The following PTPRD variants were observed in gnomAD, a reference collection of about 807,000 sequenced individuals.
PTPRD encodes the protein receptor-type tyrosine-protein phosphatase delta.
PTPRD carries 34 observed loss-of-function variants against 214.5 expected under a neutral mutation model. That is an observed-to-expected ratio of 0.16 (90% CI 0.12 to 0.21). PTPRD has a LOEUF of 0.21. Among genes scored for constraint, PTPRD ranks in the 10% least tolerant of loss-of-function variants. The pLI is 1.00. For missense variants in PTPRD, 2,545 were observed against 2,398.7 expected, an observed-to-expected ratio of 1.06 and a Z score of -1.27; for synonymous variants, 1,128 against 845.7, an observed-to-expected ratio of 1.33 and a Z score of -5.79.
At chr9:9,448,901 A>C (rs1385229777) in intron 8 of PTPRD, among the ~76,000 whole-genome samples, 2 of 152,064 alleles carry the variant, frequency 1.3e-5, no homozygotes, top group Non-Finnish European at 2.9e-5. Flanking sequence ...TCAGCAACTC[A>C]CTAAGAAGCC....
chr9:8,680,667 A>C (rs180805620), intron 12 of PTPRD, among the ~76,000 whole-genome samples: 109 of 152,278 alleles, frequency 7.2e-4, no homozygotes, highest in African/African-American at 2.6e-3. Flanking sequence ...AAATACAGAT[A>C]CTATATAAAT....
chr9:8,884,598 C>G (rs1467673733), intron 11 of PTPRD, among the ~76,000 whole-genome samples: 1 of 152,184 alleles, frequency 6.6e-6, no homozygotes, highest in African/African-American at 2.4e-5. Flanking sequence ...GCAGACTAGA[C>G]TAGCTATTCC....
At chr9:9,551,435 A>T (rs1353959215) in intron 8 of PTPRD, among the ~76,000 whole-genome samples, 1 of 152,054 alleles carries the variant, frequency 6.6e-6, no homozygotes, top group Non-Finnish European at 1.5e-5. Context: ...ATTTAATTTT[A>T]CATCAATACA....
At chr9:10,001,443 G>A (rs1016934888) in intron 4 of PTPRD, among the ~76,000 whole-genome samples, 1 of 152,074 alleles carries the variant, frequency 6.6e-6, no homozygotes, top group African/African-American at 2.4e-5. Context: ...AACTGAAAGA[G>A]ATCCACAAGT....
chr9:10,226,143 G>A (rs1463831457), intron 3 of PTPRD, among the ~76,000 whole-genome samples: 2 of 151,980 alleles, frequency 1.3e-5, no homozygotes, highest in African/African-American at 2.4e-5. Context: ...AATGCATGAT[G>A]GATGGATGAT....
At chr9:9,958,675 T>C (rs541801860) in intron 4 of PTPRD, among the ~76,000 whole-genome samples, 8 of 152,296 alleles carry the variant, frequency 5.3e-5, no homozygotes, top group African/African-American at 1.9e-4. Context: ...ATCCAAAATA[T>C]ACAAAGGACT....
chr9:8,997,210 G>T (rs888182909), intron 11 of PTPRD, among the ~76,000 whole-genome samples: 1 of 152,028 alleles, frequency 6.6e-6, no homozygotes, highest in Non-Finnish European at 1.5e-5. Flanking sequence ...ATAAAAGTCA[G>T]ATATACAGGC....
At chr9:9,134,317 C>G (rs1464748099) in intron 10 of PTPRD, among the ~76,000 whole-genome samples, 2 of 151,610 alleles carry the variant, frequency 1.3e-5, no homozygotes, top group Non-Finnish European at 2.9e-5. Flanking sequence ...TCATGATCCA[C>G]CCGCCTCGGC....
chr9:8,855,054 T>A (rs1320854093), intron 11 of PTPRD, among the ~76,000 whole-genome samples: 1 of 152,048 alleles, frequency 6.6e-6, no homozygotes, highest in South Asian at 2.1e-4. Context: ...TCAATCATTG[T>A]CTATAACTAG....
chr9:10,009,959 T>C (rs2096563080), intron 4 of PTPRD, among the ~76,000 whole-genome samples: 1 of 151,834 alleles, frequency 6.6e-6, no homozygotes, highest in African/African-American at 2.4e-5. Context: ...ATGAAGCATA[T>C]CCAATTCTCC....
intron 11 of PTPRD, among the ~76,000 whole-genome samples, chr9:8,998,328 T>A (rs986449869): frequency 5.3e-5 from 8 of 152,008 alleles, no homozygotes; most frequent in African/African-American, 1.2e-4. Flanking sequence ...TGGAAGACAA[T>A]ACTCATTTAC....
At chr9:9,269,424 C>G (rs1941812074) in intron 9 of PTPRD, among the ~76,000 whole-genome samples, 1 of 149,184 alleles carries the variant, frequency 6.7e-6, no homozygotes, top group Non-Finnish European at 1.5e-5. Context: ...AGTTGTACAG[C>G]CACTATGAAA....
intron 11 of PTPRD, among the ~76,000 whole-genome samples, chr9:9,003,508 G>C (rs1369520312): frequency 2.0e-5 from 3 of 152,024 alleles, no homozygotes; most frequent in Non-Finnish European, 4.4e-5. Flanking sequence ...AGAGAGGTGA[G>C]CTAAGACATG....
chr9:8,548,936 C>T (rs2081161905), intron 14 of PTPRD, among the ~76,000 whole-genome samples: 1 of 151,906 alleles, frequency 6.6e-6, no homozygotes, highest in Non-Finnish European at 1.5e-5. Context: ...GGTGATCCGC[C>T]TGCCTCGGCC....
At chr9:9,337,234 A>G (rs928632445) in intron 9 of PTPRD, among the ~76,000 whole-genome samples, 1 of 152,186 alleles carries the variant, frequency 6.6e-6, no homozygotes. Flanking sequence ...ATTATGTCCA[A>G]TCACTATAAC....
intron 2 of PTPRD, among the ~76,000 whole-genome samples, chr9:10,387,725 G>C (rs185097040): frequency 3.4e-5 from 5 of 148,764 alleles, no homozygotes; most frequent in Non-Finnish European, 5.9e-5. Flanking sequence ...CATCATGACA[G>C]CTTAGCACAT....
At chr9:9,288,834 G>C (rs1950289977) in intron 9 of PTPRD, among the ~76,000 whole-genome samples, 1 of 151,794 alleles carries the variant, frequency 6.6e-6, no homozygotes. Context: ...TCTCATGATA[G>C]TAGGCGAGTT....
chr9:9,695,375 C>G (rs903262866), intron 7 of PTPRD, among the ~76,000 whole-genome samples: 6 of 152,150 alleles, frequency 3.9e-5, no homozygotes, highest in Non-Finnish European at 7.3e-5. Flanking sequence ...GAGAATCACT[C>G]TCATTGCTAT....
At chr9:8,616,487 C>T (rs1257849963) in intron 14 of PTPRD, among the ~76,000 whole-genome samples, 4 of 152,090 alleles carry the variant, frequency 2.6e-5, no homozygotes, top group African/African-American at 4.8e-5. Context: ...AAACTGAACA[C>T]AGGGATCCCT....
Sources: allele counts gnomAD v4.1 joint callset (sites outside exome capture counted in the v4.1 genomes callset), GRCh38; gene constraint gnomAD v4.1.1; transcripts MANE v1.5; gene names NCBI Gene and HGNC (gene_info 2026-07-23, HGNC 2026-07-21).